Variants in ZNF423 observed in about 807,000 individuals in gnomAD.
The protein encoded by ZNF423 is Ebf-associated zinc finger protein.
A neutral mutation model predicts 95.8 loss-of-function variants in ZNF423; 12 were observed. That is an observed-to-expected ratio of 0.13 (90% CI 0.08 to 0.20). The LOEUF is 0.20. Among genes scored for constraint, ZNF423 ranks in the 10% least tolerant of loss-of-function variants. The probability of loss-of-function intolerance (pLI) is 1.00; values close to 1 mark genes in which losing one functional copy is unlikely to be tolerated. For missense variants in ZNF423, 1,316 were observed against 1,737.1 expected (o/e 0.76, Z 4.31); for synonymous variants, 749 against 711.9 (o/e 1.05, Z -0.83).
chr16:49,716,162 CA>C (rs1311988588), intron 3 of ZNF423, among the ~76,000 whole-genome samples: 1 of 152,080 alleles, frequency 6.6e-6, no homozygotes, highest in East Asian at 1.9e-4. Flanking sequence ...TGGGTGCCCA[CA>C]GGCAGATGCC....
At chr16:49,516,405 G>A (rs187160723) in intron 7 of ZNF423, among the ~76,000 whole-genome samples, 157 of 152,336 alleles carry the variant, frequency 1.0e-3, no homozygotes, top group African/African-American at 3.5e-3. Context: ...AATAATCACA[G>A]GCAGCGTCTG....
At chr16:49,510,830 C>T (rs1214701019) in intron 7 of ZNF423, among the ~76,000 whole-genome samples, 1 of 152,230 alleles carries the variant, frequency 6.6e-6, no homozygotes, top group African/African-American at 2.4e-5. Flanking sequence ...TGAGGCAGCG[C>T]CGGGGAGGGG....
chr16:49,723,735 T>A, intron 3 of ZNF423, among the ~76,000 whole-genome samples: 1 of 152,234 alleles, frequency 6.6e-6, no homozygotes, highest in African/African-American at 2.4e-5. Flanking sequence ...GGGATTGAGT[T>A]TGGTGTCAGG....
chr16:49,681,930 A>G (rs1240423327), intron 3 of ZNF423, among the ~76,000 whole-genome samples: 2 of 151,878 alleles, frequency 1.3e-5, no homozygotes. Flanking sequence ...CATGCCCAAC[A>G]TTATGATTTT....
intron 1 of ZNF423, among the ~76,000 whole-genome samples, chr16:49,809,575 G>C (rs2034719390): frequency 6.6e-6 from 1 of 152,180 alleles, no homozygotes. Flanking sequence ...TGGGGAAAAG[G>C]AGAATCCGAG....
upstream of ZNF423, among the ~76,000 whole-genome samples, chr16:49,859,233 G>C (rs2035405245): frequency 6.6e-6 from 1 of 152,074 alleles, no homozygotes; most frequent in Non-Finnish European, 1.5e-5. Context: ...CAACAGGATG[G>C]GGAGCCCGCA....
chr16:49,632,274 A>G (rs1378083504), intron 4 of ZNF423, among the ~76,000 whole-genome samples: 1 of 152,092 alleles, frequency 6.6e-6, no homozygotes, highest in Non-Finnish European at 1.5e-5. Flanking sequence ...GCTGGTTGCT[A>G]TGGATACACT....
In ZNF423 at chr16:49,637,345, G is replaced by T. The variant is rs748649845; in HGVS notation, c.1831C>A (p.Gln611Lys). 3 of 1,614,230 alleles carry T rather than the reference G, an allele frequency of 1.9e-6. No homozygotes were observed. Among genetic ancestry groups the T allele is most frequent in the Non-Finnish European group, 2.5e-6 (3 of 1,180,052 alleles). The change falls in exon 4 of 8, where the codon CAG becomes AAG. Residue 611 changes from glutamine to lysine, a missense_variant. Coordinates refer to ENST00000563137, the MANE Select transcript of ZNF423 (RefSeq NM_001379286.1). This position sits in a 1 kb window ranked among gnomAD's most constrained non-coding sequence, Gnocchi z 5.6. ...TCCACATCGGACGAGACTGGGCTCT[G>T]CTCGGCCTTGGACTTCTTGCTGTGG... Reference protein sequence around the residue: ...LAHSKKSKAEQSPVSSDVEVS... With the variant: ...LAHSKKSKAEKSPVSSDVEVS...
intron 5 of ZNF423, among the ~76,000 whole-genome samples, chr16:49,528,966 G>A (rs910902526): frequency 2.6e-5 from 4 of 151,986 alleles, no homozygotes; most frequent in Non-Finnish European, 2.9e-5. Context: ...GGCACCCTCC[G>A]AGAATCACTT....
chr16:49,761,412 T>TCAAATG (rs1198465116), intron 2 of ZNF423, among the ~76,000 whole-genome samples: 1 of 152,182 alleles, frequency 6.6e-6, no homozygotes, highest in Non-Finnish European at 1.5e-5. Flanking sequence ...GCGAGCCTGC[T>TCAAATG]CAAATGCAGA....
chr16:49,558,193 C>A (rs1047856037), intron 5 of ZNF423, among the ~76,000 whole-genome samples: 3 of 152,166 alleles, frequency 2.0e-5, no homozygotes, highest in African/African-American at 7.2e-5. Context: ...GCTTGTGGGG[C>A]CCCAGACCCC....
rs550145116 is a variant in ZNF423 at position 49,657,351 on chromosome 16, C to T, written c.302-18477G>A. On this transcript the variant is annotated intron_variant, in intron 3 of 7. Coordinates refer to ENST00000563137, the MANE Select transcript of ZNF423 (RefSeq NM_001379286.1). Reference sequence around the variant, plus strand: ...TGTGCCAGGTGCCCTCCAGCAGCTCCAGGAGACAGTCATGAGCTTGGTCCA... The same window carrying T: ...TGTGCCAGGTGCCCTCCAGCAGCTCTAGGAGACAGTCATGAGCTTGGTCCA... Among the ~76,000 whole-genome samples, 7 of 152,332 alleles carry T rather than the reference C, an allele frequency of 4.6e-5. No individual in the cohort carries two copies. In the South Asian group the frequency reaches 1.5e-3, roughly 32 times the overall value.
In ZNF423 at chr16:49,830,774, G is replaced by A. The variant is rs570440284; in HGVS notation, c.40+24961C>T. 1.8e-4 allele frequency among the ~76,000 whole-genome samples: 28 copies of A among 152,238 alleles called. 1 individual carries two copies. Among genetic ancestry groups the A allele is most frequent in the Non-Finnish European group, 3.2e-4 (22 of 68,022 alleles). On this transcript the variant is annotated intron_variant, in intron 1 of 7. Coordinates refer to ENST00000563137, the MANE Select transcript of ZNF423 (RefSeq NM_001379286.1). ...AGAGCATAAAGACAGAAGGCAGCTC[G>A]ATCTCTGCTGACAGTACTGAGCTGC...
rs570303834 is a variant in ZNF423, at chr16:49,738,096, C to T, written c.101-7125G>A. 2.0e-5 allele frequency among the ~76,000 whole-genome samples: 3 copies of T among 152,304 alleles called. No individual in the cohort carries two copies. In the South Asian group the frequency reaches 6.2e-4, roughly 32 times the overall value. ...CAGGGTCAACAATCACACGCACTCA[C>T]CCATTCTTTCCTTCATTCTTTCCAC... On this transcript the variant is annotated intron_variant, in intron 2 of 7. Coordinates refer to ENST00000563137, the MANE Select transcript of ZNF423 (RefSeq NM_001379286.1).
intron 1 of ZNF423, among the ~76,000 whole-genome samples, chr16:49,822,331 G>A (rs567646816): frequency 1.3e-5 from 2 of 151,992 alleles, no homozygotes; most frequent in African/African-American, 2.4e-5. Context: ...CCACCACCAC[G>A]CCTGGCTAAT....
chr16:49,817,028 T>C (rs958135849), intron 1 of ZNF423, among the ~76,000 whole-genome samples: 19 of 152,214 alleles, frequency 1.2e-4, no homozygotes, highest in African/African-American at 4.6e-4. Context: ...AAGCTGCTAA[T>C]ATCTCCCCAA....
chr16:49,758,169 C>T (rs941215279), intron 2 of ZNF423, among the ~76,000 whole-genome samples: 8 of 152,164 alleles, frequency 5.3e-5, no homozygotes, highest in Non-Finnish European at 1.0e-4. Context: ...GACAGGGTCT[C>T]GCTCTGTCAC....
At chr16:49,716,863 C>T (rs978746550) in intron 3 of ZNF423, among the ~76,000 whole-genome samples, 1 of 152,138 alleles carries the variant, frequency 6.6e-6, no homozygotes, top group Non-Finnish European at 1.5e-5. Context: ...ACCTGCAAGC[C>T]CCAGTCAGCG....
intron 2 of ZNF423, among the ~76,000 whole-genome samples, chr16:49,734,214 C>A (rs1284115927): frequency 6.6e-6 from 1 of 152,192 alleles, no homozygotes. Flanking sequence ...AATGATTGGA[C>A]CTTCCCTACT....
Sources: allele counts gnomAD v4.1 joint callset (sites outside exome capture counted in the v4.1 genomes callset), GRCh38; gene constraint gnomAD v4.1.1; non-coding constraint Gnocchi (gnomAD v3.1); transcripts MANE v1.5; gene names NCBI Gene and HGNC (gene_info 2026-07-23, HGNC 2026-07-21).